The following EIF2AK4 variants were observed in gnomAD, a reference collection of about 807,000 sequenced individuals.
EIF2AK4 encodes eukaryotic translation initiation factor 2 alpha kinase 4.
Under a neutral mutation model 211.1 loss-of-function variants are expected in EIF2AK4, and 139 were observed. The ratio of observed to expected loss-of-function variants is 0.66; its 90% CI spans 0.57 to 0.76. The LOEUF (loss-of-function observed/expected upper bound fraction) is 0.76. EIF2AK4 is among the 30% of genes least tolerant of loss of function. EIF2AK4 has a pLI of 0.00. For missense variants in EIF2AK4, 1,664 were observed against 2,043.8 expected, an observed-to-expected ratio of 0.81 and a Z score of 3.58; for synonymous variants, 710 against 751.3, an observed-to-expected ratio of 0.94 and a Z score of 0.90.
Position 40,002,792 on chromosome 15 carries a change from T to A in EIF2AK4, c.3235+4T>A. ...ATCCGCATCTTTAAAAGACATGGTA[T>A]GTACGCCCTTTTTAAAAATGATATT... On this transcript the variant is annotated splice_donor_region_variant and intron_variant, in intron 22 of 38. Coordinates refer to ENST00000263791, the MANE Select transcript of EIF2AK4 (RefSeq NM_001013703.4). 1 of 1,614,120 alleles carries A rather than the reference T, an allele frequency of 6.2e-7. No individual in the cohort carries two copies. Among genetic ancestry groups the A allele is most frequent in the Non-Finnish European group, 8.5e-7 (1 of 1,179,964 alleles).
At chr15:39,944,610 T>A (rs1188170909) in intron 3 of EIF2AK4, among the ~76,000 whole-genome samples, 2 of 152,046 alleles carry the variant, frequency 1.3e-5, no homozygotes, top group Non-Finnish European at 2.9e-5. Flanking sequence ...TTTTTTTGTA[T>A]TTTTAGTAGA....
chr15:39,976,830 C>T lies in EIF2AK4; in HGVS notation c.2235C>T (p.Phe745=). The T allele has an allele frequency of 6.6e-7, 1 of 1,524,902 alleles. No homozygotes were observed. Among genetic ancestry groups the T allele is most frequent in the South Asian group, 1.3e-5 (1 of 79,616 alleles). The allele number at this position is 1,524,902 out of a possible 1,614,324, so 94.5% of individuals were successfully genotyped here. A position where few individuals can be genotyped will look rare whatever the true frequency, so the allele number is the denominator to read the frequency against. ...ACGAGGACGAGCACGGTGGCGTCTT[C>T]TCCCAGTCCTTCCTGTAAGCGCACG... is the stretch of plus-strand genomic sequence containing the variant. The part of the protein sequence containing the change: ...DDDEDEHGGV[F]SQSFLPASDS... Residue 745 remains phenylalanine, a synonymous_variant, in exon 12 of 39, where the codon TTC becomes TTT. Transcript: ENST00000263791.
At chr15:39,939,717 A>T (rs1236363321) in intron 2 of EIF2AK4, 100 bp downstream of exon 2, 2 of 875,092 alleles carry the variant, frequency 2.3e-6, no homozygotes, top group Non-Finnish European at 3.3e-6. Flanking sequence ...TCCTGCTCCC[A>T]TTCCACATAA....
Position 39,997,081 on chromosome 15 carries a change from T to G in EIF2AK4, c.2868+16T>G, listed in dbSNP as rs1458059010. On this transcript the variant is annotated intron_variant, in intron 19 of 38. Coordinates refer to ENST00000263791, the MANE Select transcript of EIF2AK4 (RefSeq NM_001013703.4). ...ACTCAGAGATGTATGTATCAGGTGT[T>G]TTAGTGCCTACATTTTCAGTAACCG... The G allele has an allele frequency of 6.5e-7, 1 of 1,547,766 alleles. No homozygotes were observed. The highest frequency in any genetic ancestry group is 1.1e-5 in the South Asian group (1 of 89,186).
intron 6 of EIF2AK4, 26 bp from the exon 7 acceptor site, chr15:39,961,758 A>G (rs115784946): frequency 5.2e-6 from 8 of 1,544,002 alleles, no homozygotes; most frequent in South Asian, 2.3e-5. Context: ...GATTGTTCAA[A>G]TGTATTGTTC....
Position 39,966,828 on chromosome 15 carries a change from A to G in EIF2AK4, c.1018-516A>G, listed in dbSNP as rs150962023. Among the ~76,000 whole-genome samples, 412 of 151,502 alleles carry G rather than the reference A, an allele frequency of 2.7e-3. 6 individuals carry two copies. The East Asian group carries it at 0.031, about 11-fold the overall frequency. ...TTAAATGTTGACAATGATCTTTATT[A>G]AATCAGAAAAGATTTTTTTTTTCTG... On this transcript the variant is annotated intron_variant, in intron 8 of 38. Transcript: ENST00000263791.
rs923004055 is a variant in EIF2AK4, at chr15:39,946,851, G to A, written c.361-2265G>A. 7.0e-6 allele frequency: 4 copies of A among 571,962 alleles called. No individual in the cohort carries two copies. The Admixed American group carries it at 1.3e-4, about 18-fold the overall frequency. 35.4% of individuals were successfully genotyped at this position (571,962 alleles called of 1,614,324 possible). On this transcript the variant is annotated intron_variant, in intron 3 of 38. Transcript: ENST00000263791. ...ATTATGACGTCCTGAAGGTTCAGAT[G>A]ATCATTAGCATTTTTTAGCAATAAA...
At chr15:40,003,436 C>A in intron 23 of EIF2AK4, 122 bp downstream of exon 23, 1 of 1,435,306 alleles carries the variant, frequency 7.0e-7, no homozygotes, top group Non-Finnish European at 9.3e-7. Context: ...GAAATGTATT[C>A]TTGAGGAAGT....
intron 29 of EIF2AK4, 66 bp from the exon 30 acceptor site, chr15:40,019,027 T>C: frequency 1.6e-6 from 2 of 1,220,220 alleles, no homozygotes; most frequent in Non-Finnish European, 2.3e-6. Flanking sequence ...TCTTTAATCA[T>C]TGTTTTCCCC....
Position 40,008,334 on chromosome 15 carries a change from A to G in EIF2AK4, c.3576+139A>G, listed in dbSNP as rs1045301578. On this transcript the variant is annotated intron_variant, in intron 25 of 38. Coordinates refer to ENST00000263791, the MANE Select transcript of EIF2AK4 (RefSeq NM_001013703.4). ...CATCTTTACTAAAGTAACTGAGAAG[A>G]GCTTGCTGGTGTTGCTTTTGAGGTT... 4.9e-6 allele frequency: 4 copies of G among 823,484 alleles called. No homozygotes were observed. In the African/African-American group the frequency reaches 7.1e-5, roughly 15 times the overall value. The allele number at this position is 823,484 out of a possible 1,614,324, so 51.0% of individuals were successfully genotyped here.
At position 39,967,781 on chromosome 15, in the gene EIF2AK4, C is replaced by T; in HGVS notation, c.1455C>T (p.Gly485=). 6.2e-7 allele frequency: 1 copy of T among 1,614,222 alleles called. No homozygotes were observed. ...TGKKGDVWRL[G]LLLLSLSQGQ... is the part of the protein sequence containing the mutation. ...AGAAAGGAGATGTTTGGCGTCTTGGCCTTCTGCTGCTGTCCCTCAGCCAAG... is the reference window on the plus strand; with the variant it reads ...AGAAAGGAGATGTTTGGCGTCTTGGTCTTCTGCTGCTGTCCCTCAGCCAAG... The change falls in exon 9 of 39, where the codon GGC becomes GGT. Residue 485 remains glycine (G), a synonymous_variant. Coordinates refer to ENST00000263791, the MANE Select transcript of EIF2AK4 (RefSeq NM_001013703.4).
chr15:39,977,247 A>AT (rs1159957084), intron 12 of EIF2AK4: 1 of 165,886 alleles, frequency 6.0e-6, no homozygotes, highest in African/African-American at 2.4e-5. Flanking sequence ...ATAGAAGACA[A>AT]TTTTTCCACA....
chr15:39,985,808 G>A lies in EIF2AK4; in HGVS notation c.2323G>A (p.Glu775Lys). ...TTGTGTGTTCGTCTTGGGTTAGGAT[G>A]AAGATTGCAATGAAAAGAATGGCTG... Reference protein sequence around the residue: ...DENSKSQNQDEDCNEKNGCHE... With the variant: ...DENSKSQNQDKDCNEKNGCHE... Residue 775 changes from glutamate to lysine, a missense_variant, in exon 14 of 39, where the codon GAA becomes AAA. Physicochemically the swap from Glu to Lys is moderately conservative, Grantham distance 56. This residue lies in a region of EIF2AK4 where 206 missense variants were observed against 201.9 expected (regional missense o/e 1.02). Transcript: ENST00000263791. 2 of 1,614,102 alleles carry A rather than the reference G, an allele frequency of 1.2e-6. No homozygotes were observed. The highest frequency in any genetic ancestry group is 1.7e-6 in the Non-Finnish European group (2 of 1,179,988).
chr15:39,963,223 G>A (rs2034497119), intron 7 of EIF2AK4, among the ~76,000 whole-genome samples: 1 of 152,212 alleles, frequency 6.6e-6, no homozygotes, highest in Non-Finnish European at 1.5e-5. Context: ...GACATTGGTA[G>A]TGGTGGTTGG....
intron 13 of EIF2AK4, among the ~76,000 whole-genome samples, chr15:39,979,640 C>A (rs1239599375): frequency 6.6e-6 from 1 of 152,136 alleles, no homozygotes; most frequent in African/African-American, 2.4e-5. Context: ...GTTTTGAAAT[C>A]TTGGAGAAAA....
chr15:40,017,353 G>C, intron 29 of EIF2AK4, 111 bp downstream of exon 29: 1 of 1,217,196 alleles, frequency 8.2e-7, no homozygotes, highest in Non-Finnish European at 1.1e-6. Context: ...AATATCATTG[G>C]ATACTTCTAT....
intron 20 of EIF2AK4, 102 bp from the exon 21 acceptor site, chr15:40,000,886 T>G: frequency 1.8e-6 from 2 of 1,113,358 alleles, no homozygotes; most frequent in Admixed American, 2.0e-5. Flanking sequence ...GCAAGAATAG[T>G]GGCACCTTTT....
chr15:40,029,112 T>A (rs1246039112), intron 33 of EIF2AK4, among the ~76,000 whole-genome samples: 2 of 152,266 alleles, frequency 1.3e-5, no homozygotes, highest in Non-Finnish European at 2.9e-5. Context: ...CCATTATATT[T>A]CATTGAAATC....
At chr15:39,953,501 C>T (rs1261147828) in intron 4 of EIF2AK4, among the ~76,000 whole-genome samples, 1 of 152,200 alleles carries the variant, frequency 6.6e-6, no homozygotes, top group Non-Finnish European at 1.5e-5. Context: ...AGCCCACCTT[C>T]ACCAAGCTGA....
Sources: allele counts gnomAD v4.1 joint callset (sites outside exome capture counted in the v4.1 genomes callset), GRCh38; gene constraint gnomAD v4.1.1; regional missense constraint gnomAD v4.1.1; transcripts MANE v1.5; gene names NCBI Gene and HGNC (gene_info 2026-07-23, HGNC 2026-07-21).